The following CACNA1C variants were observed in gnomAD, a reference collection of about 807,000 sequenced individuals.
The protein encoded by CACNA1C is voltage-dependent L-type calcium channel subunit alpha-1C.
A neutral mutation model predicts 229.0 loss-of-function variants in CACNA1C; 30 were observed. The observed-to-expected ratio is 0.13, with a 90% confidence interval of 0.10 to 0.18. CACNA1C has a LOEUF of 0.18. Ranked by LOEUF, CACNA1C falls within the 10% of genes least tolerant of loss-of-function variation. The probability of loss-of-function intolerance (pLI) is 1.00; values close to 1 mark genes in which losing one functional copy is unlikely to be tolerated. For missense variants in CACNA1C, 1,658 were observed against 2,845.0 expected (o/e 0.58, Z 9.49); for synonymous variants, 1,114 against 1,132.5 (o/e 0.98, Z 0.33).
intron 1 of CACNA1C, among the ~76,000 whole-genome samples, chr12:2,018,450 T>A (rs1179836083): frequency 6.6e-6 from 1 of 152,108 alleles, no homozygotes. Context: ...TTTAACAATA[T>A]TCTCTCACAA....
At chr12:2,428,358 G>A (rs769439463) in intron 3 of CACNA1C, among the ~76,000 whole-genome samples, 9 of 152,160 alleles carry the variant, frequency 5.9e-5, no homozygotes, top group Non-Finnish European at 1.0e-4. Context: ...TCTCTTTGGT[G>A]GGAAGTTCCT....
At chr12:2,001,056 G>C (rs2042092519) in intron 1 of CACNA1C, among the ~76,000 whole-genome samples, 1 of 151,036 alleles carries the variant, frequency 6.6e-6, no homozygotes, top group Non-Finnish European at 1.5e-5. Context: ...AAAAAAAAGA[G>C]AGATAATCAG....
intron 1 of CACNA1C, among the ~76,000 whole-genome samples, chr12:2,093,212 G>A (rs190313339): frequency 6.6e-6 from 1 of 152,346 alleles, no homozygotes; most frequent in East Asian, 1.9e-4. Context: ...TGTCTGTGTG[G>A]GTGACTATGC....
intron 3 of CACNA1C, among the ~76,000 whole-genome samples, chr12:2,331,076 T>C (rs1005197878): frequency 6.6e-6 from 1 of 152,182 alleles, no homozygotes; most frequent in Non-Finnish European, 1.5e-5. Context: ...TTTAAATATG[T>C]ATCTAAAGAA....
chr12:2,151,212 C>A (rs756374201), intron 3 of CACNA1C, among the ~76,000 whole-genome samples: 24 of 152,122 alleles, frequency 1.6e-4, no homozygotes, highest in Non-Finnish European at 3.4e-4. Flanking sequence ...ATCAGATCAT[C>A]TCATCCAATT....
chr12:2,137,797 C>A (rs1489881058), intron 3 of CACNA1C, among the ~76,000 whole-genome samples: 1 of 151,170 alleles, frequency 6.6e-6, no homozygotes, highest in Non-Finnish European at 1.5e-5. Flanking sequence ...AAATTTAGTT[C>A]TTGACCTTTC....
intron 29 of CACNA1C, among the ~76,000 whole-genome samples, chr12:2,615,698 G>T (rs1308672598): frequency 6.6e-6 from 1 of 152,222 alleles, no homozygotes; most frequent in Non-Finnish European, 1.5e-5. Flanking sequence ...ATGCACAGGA[G>T]CCTGGCGCGG....
chr12:2,624,653 C>T (rs961390248), intron 29 of CACNA1C, among the ~76,000 whole-genome samples: 6 of 152,202 alleles, frequency 3.9e-5, no homozygotes, highest in African/African-American at 1.4e-4. Flanking sequence ...GAATAGTCTC[C>T]GCACCCACTG....
At chr12:2,584,832 G>T (rs547728169) in intron 16 of CACNA1C, among the ~76,000 whole-genome samples, 1 of 152,312 alleles carries the variant, frequency 6.6e-6, no homozygotes, top group South Asian at 2.1e-4. Flanking sequence ...CTCTGCAATG[G>T]TGTCATATTC....
intron 1 of CACNA1C, among the ~76,000 whole-genome samples, chr12:2,098,673 A>C (rs2075255593): frequency 6.6e-6 from 1 of 152,180 alleles, no homozygotes; most frequent in African/African-American, 2.4e-5. Flanking sequence ...ATTGTTTTTA[A>C]GAGTTGGTTG....
At chr12:2,209,864 A>G (rs2097864370) in intron 3 of CACNA1C, among the ~76,000 whole-genome samples, 1 of 152,260 alleles carries the variant, frequency 6.6e-6, no homozygotes, top group Non-Finnish European at 1.5e-5. Flanking sequence ...AGAAGGTTTA[A>G]GATACAGTTA....
intron 15 of CACNA1C, among the ~76,000 whole-genome samples, chr12:2,583,494 A>G (rs1156241504): frequency 6.6e-6 from 1 of 152,192 alleles, no homozygotes; most frequent in Non-Finnish European, 1.5e-5. Flanking sequence ...GGCACAAGCC[A>G]CGGGTGCTGC....
At chr12:2,151,499 C>CAG (rs1380557045) in intron 3 of CACNA1C, among the ~76,000 whole-genome samples, 1 of 152,132 alleles carries the variant, frequency 6.6e-6, no homozygotes, top group Non-Finnish European at 1.5e-5. Flanking sequence ...AGGAGCAACT[C>CAG]TGCACAGAAG....
chr12:2,280,257 TTTAACCTC>T, intron 3 of CACNA1C, among the ~76,000 whole-genome samples: 2 of 90,270 alleles, frequency 2.2e-5, no homozygotes, highest in African/African-American at 7.3e-5. Flanking sequence ...TGTGCTTCGG[TTTAACCTC>T]TTGATACCTT....
chr12:2,267,321 C>T lies in CACNA1C; in HGVS notation c.477+146891C>T, dbSNP rs184071042. 1.2e-4 allele frequency among the ~76,000 whole-genome samples: 18 copies of T among 152,264 alleles called. No homozygotes were observed. The East Asian group carries it at 3.5e-3, about 29-fold the overall frequency. ...TGGGTTCATAATATATAATTATTCTCCCCAGTTAAAAATGACTAAACTGAG... is the reference window on the plus strand; with the variant it reads ...TGGGTTCATAATATATAATTATTCTTCCCAGTTAAAAATGACTAAACTGAG... On this transcript the variant is annotated intron_variant, in intron 3 of 46. Coordinates refer to ENST00000399655, the MANE Select transcript of CACNA1C (RefSeq NM_000719.7).
intron 11 of CACNA1C, among the ~76,000 whole-genome samples, chr12:2,565,391 C>CCAGG (rs1465942149): frequency 6.6e-6 from 1 of 151,054 alleles, no homozygotes; most frequent in Non-Finnish European, 1.5e-5. Flanking sequence ...GGCGTGAACC[C>CCAGG]GGGAAGCGGA....
intron 3 of CACNA1C, among the ~76,000 whole-genome samples, chr12:2,395,449 C>A (rs1217910288): frequency 6.6e-6 from 1 of 152,114 alleles, no homozygotes; most frequent in Non-Finnish European, 1.5e-5. Context: ...GAACTCCTGG[C>A]CTCATGTGAT....
intron 1 of CACNA1C, among the ~76,000 whole-genome samples, chr12:2,085,110 G>GTT (rs2067089786): frequency 6.6e-6 from 1 of 152,192 alleles, no homozygotes; most frequent in Non-Finnish European, 1.5e-5. Context: ...CAGGGTAAAT[G>GTT]TATCAGTGAG....
chr12:2,492,345 C>G (rs964462294), intron 6 of CACNA1C, among the ~76,000 whole-genome samples: 2 of 152,208 alleles, frequency 1.3e-5, no homozygotes, highest in African/African-American at 4.8e-5. Flanking sequence ...CTACTGTTTC[C>G]TGACAAAGCC....
Sources: gnomAD v4.1 joint callset for allele counts (sites outside exome capture counted in the v4.1 genomes callset) on GRCh38, gnomAD v4.1.1 for gene constraint, MANE v1.5 for transcripts, NCBI Gene and HGNC (gene_info 2026-07-23, HGNC 2026-07-21) for gene names.